Variants in PRKG1 observed in about 807,000 individuals in gnomAD.
PRKG1 encodes cGMP-dependent protein kinase 1.
PRKG1 carries 35 observed loss-of-function variants against 88.1 expected under a neutral mutation model. The observed-to-expected ratio is 0.40, with a 90% CI of 0.30 to 0.53. The LOEUF (loss-of-function observed/expected upper bound fraction) is 0.53, where lower values mean the gene tolerates loss of function less well. Ranked by LOEUF, PRKG1 falls within the 20% of genes least tolerant of loss-of-function variation. The probability of loss-of-function intolerance (pLI) is 0.59; values close to 1 mark genes in which losing one functional copy is unlikely to be tolerated. For synonymous variants in PRKG1, 303 were observed against 292.5 expected (o/e 1.04, Z -0.37); for missense variants, 540 against 839.8 (o/e 0.64, Z 4.41).
intron 5 of PRKG1, among the ~76,000 whole-genome samples, chr10:52,006,713 T>C (rs1372215111): frequency 6.6e-6 from 1 of 152,180 alleles, no homozygotes; most frequent in East Asian, 1.9e-4. Flanking sequence ...TCAGGTATCA[T>C]CCATGAAAAC....
chr10:51,427,079 T>C (rs549473613), intron 2 of PRKG1, among the ~76,000 whole-genome samples: 1 of 152,316 alleles, frequency 6.6e-6, no homozygotes, highest in South Asian at 2.1e-4. Flanking sequence ...TTCAAAATAT[T>C]GTTTATTTCC....
At chr10:52,084,868 G>A (rs780731817) in intron 7 of PRKG1, among the ~76,000 whole-genome samples, 34 of 151,848 alleles carry the variant, frequency 2.2e-4, no homozygotes, top group Non-Finnish European at 3.2e-4. Context: ...ATGTTATGTC[G>A]CTTAGGTATC....
chr10:51,215,298 T>A (rs1838342332), intron 2 of PRKG1, among the ~76,000 whole-genome samples: 1 of 152,236 alleles, frequency 6.6e-6, no homozygotes, highest in Non-Finnish European at 1.5e-5. Context: ...AGCTTTTTCT[T>A]TGATCGTGAA....
At chr10:51,993,682 G>T (rs12265278) in intron 5 of PRKG1, among the ~76,000 whole-genome samples, 1 of 152,144 alleles carries the variant, frequency 6.6e-6, no homozygotes, top group Non-Finnish European at 1.5e-5. Flanking sequence ...TCTGTTCCTC[G>T]ATCTACAAAC....
chr10:52,012,250 T>TA (rs950092506), intron 5 of PRKG1, among the ~76,000 whole-genome samples: 1 of 151,320 alleles, frequency 6.6e-6, no homozygotes, highest in African/African-American at 2.4e-5. Context: ...TTTGCCTTTT[T>TA]TTTTTTTTTG....
chr10:52,111,981 T>C (rs1315442569), intron 7 of PRKG1, among the ~76,000 whole-genome samples: 1 of 152,238 alleles, frequency 6.6e-6, no homozygotes, highest in Non-Finnish European at 1.5e-5. Context: ...CACAGCCTTC[T>C]ATTCTCTGCC....
chr10:51,668,662 C>T (rs1220712313), intron 3 of PRKG1, among the ~76,000 whole-genome samples: 1 of 152,040 alleles, frequency 6.6e-6, no homozygotes, highest in Non-Finnish European at 1.5e-5. Context: ...TTAGAGCCAT[C>T]ATTTTTGTAA....
rs181717941 is a variant in PRKG1, at chr10:51,059,095, A to T, written c.266+67451A>T. Among the ~76,000 whole-genome samples the T allele has an allele frequency of 2.3e-3, 357 of 152,288 alleles. 8 individuals are homozygous for T. The highest frequency in any genetic ancestry group is 4.1e-4 in the Non-Finnish European group (28 of 68,012). On this transcript the variant is annotated intron_variant, in intron 1 of 17. Coordinates refer to the PRKG1 transcript ENST00000401604. ...TTTAACATAAAATTTCTGTATGCTG[A>T]CCTCAAATTTACTTATTTTAATAGT...
chr10:51,710,614 G>A (rs962499374), intron 3 of PRKG1, among the ~76,000 whole-genome samples: 7 of 152,264 alleles, frequency 4.6e-5, no homozygotes, highest in East Asian at 1.9e-4. Flanking sequence ...GTTCTTAAAC[G>A]TTAACCTTAA....
At chr10:51,396,481 G>A (rs960635750) in intron 2 of PRKG1, among the ~76,000 whole-genome samples, 2 of 152,084 alleles carry the variant, frequency 1.3e-5, no homozygotes, top group South Asian at 4.1e-4. Flanking sequence ...ACTAAAAGAA[G>A]TTCCTTCAAG....
chr10:51,581,352 G>A (rs28821505), intron 3 of PRKG1, among the ~76,000 whole-genome samples: 55,033 of 151,964 alleles, frequency 0.36, 10,676 homozygotes, highest in Non-Finnish European at 0.45. Context: ...GAAACAGGAC[G>A]TGAAGCTAGA....
Position 51,785,620 on chromosome 10 carries a change from A to C in PRKG1, c.593-18965A>C, listed in dbSNP as rs550951297. Among the ~76,000 whole-genome samples, 3 of 152,236 alleles carry C rather than the reference A, an allele frequency of 2.0e-5. No homozygotes were observed. The South Asian group carries it at 6.2e-4, about 32-fold the overall frequency. On this transcript the variant is annotated intron_variant, in intron 3 of 17. Coordinates refer to ENST00000373980, the MANE Select transcript of PRKG1 (RefSeq NM_006258.4). ...CAAGATACCAGTAACATTAAGAATC[A>C]AGGCAGATTTTGTTGATTATCTGCC...
At chr10:51,785,036 C>T (rs576472429) in intron 3 of PRKG1, among the ~76,000 whole-genome samples, 18 of 151,394 alleles carry the variant, frequency 1.2e-4, no homozygotes, top group African/African-American at 4.1e-4. Flanking sequence ...CTTCTTTAGG[C>T]CATAAAATTG....
Position 52,294,019 on chromosome 10 carries a change from C to A in PRKG1, c.*119C>A. 1.4e-6 allele frequency: 1 copy of A among 733,498 alleles called. No homozygotes were observed. The highest frequency in any genetic ancestry group is 2.3e-6 in the Non-Finnish European group (1 of 439,926). The allele number at this position is 733,498 out of a possible 1,614,324, so 45.4% of individuals were successfully genotyped here. ...TCGGGGTCACCATGATGCCTTTGAT[C>A]GATGCTGCTCCAGTAACTACAGTGG... On this transcript the variant is annotated 3_prime_UTR_variant, in exon 18 of 18. Transcript: ENST00000373980.
intron 9 of PRKG1, among the ~76,000 whole-genome samples, chr10:52,169,909 A>G (rs1838615596): frequency 6.6e-6 from 1 of 152,164 alleles, no homozygotes; most frequent in Admixed American, 6.5e-5. Flanking sequence ...GGTCCTTTTA[A>G]CTTCATGACA....
chr10:51,968,953 A>G (rs2133085603), intron 5 of PRKG1, among the ~76,000 whole-genome samples: 1 of 152,270 alleles, frequency 6.6e-6, no homozygotes, highest in Admixed American at 6.5e-5. Flanking sequence ...TTTGAGAGGT[A>G]TTTTCTAAAG....
intron 9 of PRKG1, among the ~76,000 whole-genome samples, chr10:52,244,559 A>G (rs1403715857): frequency 6.6e-6 from 1 of 151,308 alleles, no homozygotes; most frequent in Non-Finnish European, 1.5e-5. Flanking sequence ...CCTGTAGTTT[A>G]AGCCCAAATC....
intron 3 of PRKG1, among the ~76,000 whole-genome samples, chr10:51,559,450 C>T (rs1204353207): frequency 1.3e-5 from 2 of 152,060 alleles, no homozygotes; most frequent in Non-Finnish European, 2.9e-5. Flanking sequence ...GCGTTAGAGA[C>T]TTGGAATCAG....
At chr10:51,507,668 G>A (rs1194732604) in intron 3 of PRKG1, among the ~76,000 whole-genome samples, 2 of 152,082 alleles carry the variant, frequency 1.3e-5, no homozygotes, top group East Asian at 3.9e-4. Flanking sequence ...ACCTGGTTGA[G>A]AGAAAAGAGC....
Sources: allele counts gnomAD v4.1 joint callset (sites outside exome capture counted in the v4.1 genomes callset), GRCh38; gene constraint gnomAD v4.1.1; transcripts MANE v1.5; gene names NCBI Gene and HGNC (gene_info 2026-07-23, HGNC 2026-07-21).